The following ZFHX3 variants were observed in gnomAD, a reference collection of about 807,000 sequenced individuals.
The protein encoded by ZFHX3 is zinc finger homeobox 3.
ZFHX3 carries 42 observed loss-of-function variants against 279.1 expected under a neutral mutation model. The ratio of observed to expected loss-of-function variants is 0.15; its 90% CI spans 0.12 to 0.19. ZFHX3 has a LOEUF of 0.19. Among genes scored for constraint, ZFHX3 ranks in the 10% least tolerant of loss-of-function variants. ZFHX3 has a pLI of 1.00. For missense variants in ZFHX3, 4,981 were observed against 4,754.0 expected, an observed-to-expected ratio of 1.05 and a Z score of -1.40; for synonymous variants, 2,293 against 1,957.8, an observed-to-expected ratio of 1.17 and a Z score of -4.52.
At chr16:73,157,813 G>A (rs552653821) in intron 5 of ZFHX3, among the ~76,000 whole-genome samples, 153 of 152,182 alleles carry the variant, frequency 1.0e-3, no homozygotes, top group African/African-American at 3.5e-3. Context: ...GGCTGCCATG[G>A]ACGCCATTGG....
At chr16:73,323,991 C>A (rs556052294) in intron 3 of ZFHX3, among the ~76,000 whole-genome samples, 3 of 152,338 alleles carry the variant, frequency 2.0e-5, no homozygotes, top group Admixed American at 1.3e-4. Context: ...TGTGATAACA[C>A]CTCCTGGCAG....
intron 1 of ZFHX3, among the ~76,000 whole-genome samples, chr16:73,707,446 T>C (rs1053066760): frequency 3.3e-5 from 5 of 151,818 alleles, no homozygotes; most frequent in Non-Finnish European, 4.4e-5. Context: ...AGTAGGGACA[T>C]GGATGAAGCT....
At chr16:73,624,293 C>G (rs1176867454) in intron 2 of ZFHX3, among the ~76,000 whole-genome samples, 1 of 152,006 alleles carries the variant, frequency 6.6e-6, no homozygotes, top group Non-Finnish European at 1.5e-5. Context: ...TCAAATGCAC[C>G]AATGTTTATG....
intron 3 of ZFHX3, among the ~76,000 whole-genome samples, chr16:73,332,280 A>G (rs894866522): frequency 6.6e-6 from 1 of 152,228 alleles, no homozygotes; most frequent in African/African-American, 2.4e-5. Flanking sequence ...AAAAAAATTT[A>G]TATAACGAAG....
At chr16:73,113,751 A>G (rs1966403110) in intron 7 of ZFHX3, among the ~76,000 whole-genome samples, 1 of 151,996 alleles carries the variant, frequency 6.6e-6, no homozygotes, top group Non-Finnish European at 1.5e-5. Context: ...CGGAAGGTTA[A>G]AACAAATAGT....
intron 7 of ZFHX3, among the ~76,000 whole-genome samples, chr16:73,110,268 C>T (rs892335833): frequency 2.6e-5 from 4 of 151,984 alleles, no homozygotes; most frequent in Admixed American, 1.3e-4. Context: ...TACATTTTCT[C>T]ATGTACTTGT....
chr16:73,262,228 A>T (rs1364815511), intron 4 of ZFHX3, among the ~76,000 whole-genome samples: 1 of 152,244 alleles, frequency 6.6e-6, no homozygotes, highest in East Asian at 1.9e-4. Context: ...GAGGAGAATT[A>T]GGTTGAATTG....
At chr16:73,048,558 G>T (rs1965385866), upstream of ZFHX3, among the ~76,000 whole-genome samples, 1 of 152,212 alleles carries the variant, frequency 6.6e-6, no homozygotes, top group Non-Finnish European at 1.5e-5. Flanking sequence ...CTCATCAAAG[G>T]TCAGGGGCCG....
chr16:72,957,456 C>T lies in ZFHX3; in HGVS notation c.2690G>A (p.Gly897Glu), dbSNP rs1395019656. The change falls in exon 2 of 10, where the codon GGG (glycine) becomes GAG (glutamate). Residue 897 changes from glycine (G) to glutamate (E), a missense_variant. Physicochemically the swap from Gly to Glu is moderately conservative, Grantham distance 98. Around this residue, in one of 7 missense-constraint regions of ZFHX3, gnomAD observed 1,751 missense variants for 1,770.0 expected, o/e 0.99. Transcript: ENST00000268489. Reference protein sequence around the residue: ...MMSGFQLDPAGPMAAMTPALV... With the variant: ...MMSGFQLDPAEPMAAMTPALV... ...AGCAGGCGTCATGGCGGCCATGGGC[C>T]CGGCGGGATCCAGCTGGAATCCGCT... 3 of 1,612,602 alleles carry T rather than the reference C, an allele frequency of 1.9e-6. No individual in the cohort carries two copies. Among genetic ancestry groups the T allele is most frequent in the Non-Finnish European group, 2.5e-6 (3 of 1,179,198 alleles).
chr16:73,428,740 C>T (rs965057818), intron 3 of ZFHX3, among the ~76,000 whole-genome samples: 3 of 152,290 alleles, frequency 2.0e-5, no homozygotes, highest in Admixed American at 6.5e-5. Context: ...AAACCTGCCA[C>T]GCTCTCCATT....
intron 3 of ZFHX3, among the ~76,000 whole-genome samples, chr16:73,421,783 G>T (rs756590214): frequency 5.3e-5 from 8 of 152,126 alleles, no homozygotes; most frequent in Non-Finnish European, 1.2e-4. Context: ...GGTGGGGGAT[G>T]GGTTTGTTGG....
intron 3 of ZFHX3, among the ~76,000 whole-genome samples, chr16:72,913,000 G>A (rs1052593692): frequency 2.0e-5 from 3 of 152,176 alleles, no homozygotes; most frequent in African/African-American, 7.2e-5. Flanking sequence ...TGGGATTACA[G>A]GCGTGAGCCA....
intron 3 of ZFHX3, among the ~76,000 whole-genome samples, chr16:73,322,191 T>A (rs1055250855): frequency 6.6e-6 from 1 of 151,612 alleles, no homozygotes; most frequent in Non-Finnish European, 1.5e-5. Flanking sequence ...GTCTGCATAA[T>A]GAAGGCATGG....
chr16:73,579,448 C>T (rs1025014383), intron 2 of ZFHX3, among the ~76,000 whole-genome samples: 9 of 151,954 alleles, frequency 5.9e-5, no homozygotes, highest in Admixed American at 2.0e-4. Context: ...TTCACAAATA[C>T]GTATCATACA....
At chr16:73,881,626 C>A (rs1023459202) in intron 1 of ZFHX3, among the ~76,000 whole-genome samples, 2 of 151,720 alleles carry the variant, frequency 1.3e-5, no homozygotes, top group African/African-American at 4.8e-5. Context: ...CTGTCAGCAT[C>A]TTGATATATT....
At chr16:72,905,954 C>T (rs117553468) in intron 3 of ZFHX3, among the ~76,000 whole-genome samples, 3,590 of 152,278 alleles carry the variant, frequency 0.024, 60 homozygotes, top group Non-Finnish European at 0.038. Flanking sequence ...GTGGTTAAGG[C>T]TCTCACCTTC....
At chr16:73,277,560 G>A (rs1489083337) in intron 4 of ZFHX3, among the ~76,000 whole-genome samples, 3 of 152,158 alleles carry the variant, frequency 2.0e-5, no homozygotes, top group Non-Finnish European at 4.4e-5. Flanking sequence ...GACTTTGTCC[G>A]CTTTGTAGAT....
chr16:73,222,740 C>T (rs964980016), intron 5 of ZFHX3, among the ~76,000 whole-genome samples: 4 of 151,916 alleles, frequency 2.6e-5, no homozygotes, highest in African/African-American at 7.3e-5. Flanking sequence ...TATGAAGATG[C>T]CAAAGACCAA....
chr16:73,244,123 G>A (rs2013210375), intron 5 of ZFHX3, among the ~76,000 whole-genome samples: 1 of 152,176 alleles, frequency 6.6e-6, no homozygotes, highest in Admixed American at 6.5e-5. Flanking sequence ...GGGATTTGCA[G>A]GAAAGCAAGT....
Sources: gnomAD v4.1 joint callset for allele counts (sites outside exome capture counted in the v4.1 genomes callset) on GRCh38, gnomAD v4.1.1 for gene constraint, gnomAD v4.1.1 regional missense constraint, MANE v1.5 for transcripts, NCBI Gene and HGNC (gene_info 2026-07-23, HGNC 2026-07-21) for gene names.